AGBL1: variants seen among roughly 807,000 people sequenced by gnomAD.
AGBL1 encodes the protein AGBL carboxypeptidase 1, also known as cytosolic carboxypeptidase 4.
Under a neutral mutation model 118.9 loss-of-function variants are expected in AGBL1, and 130 were observed. The observed-to-expected ratio is 1.09, with a 90% CI of 0.95 to 1.26. The LOEUF (loss-of-function observed/expected upper bound fraction) is 1.26. Among genes scored for constraint, AGBL1 ranks in the 50% most tolerant of loss-of-function variants. AGBL1 has a pLI of 0.00. For synonymous variants in AGBL1, 555 were observed against 478.9 expected, an observed-to-expected ratio of 1.16 and a Z score of -2.08; for missense variants, 1,584 against 1,298.1, an observed-to-expected ratio of 1.22 and a Z score of -3.38.
At chr15:86,095,078 G>C (rs1896271384) in intron 1 of AGBL1, among the ~76,000 whole-genome samples, 2 of 149,322 alleles carry the variant, frequency 1.3e-5, no homozygotes, top group South Asian at 4.1e-4. Flanking sequence ...GTTTATGATA[G>C]AGGATAAAAA....
chr15:86,426,787 G>C (rs1257338277), intron 18 of AGBL1, among the ~76,000 whole-genome samples: 1 of 152,146 alleles, frequency 6.6e-6, no homozygotes, highest in Non-Finnish European at 1.5e-5. Flanking sequence ...TTTATTAAGA[G>C]ATGGAGTCTC....
Position 86,618,497 on chromosome 15 carries a change from C to T in AGBL1, c.2995-55776C>T, listed in dbSNP as rs367695608. Reference sequence around the variant, plus strand: ...TATTAAAAATATAGATCTCTGGGCTCTAGCTCCAGACCTACTGAATGAGAA... The same window carrying T: ...TATTAAAAATATAGATCTCTGGGCTTTAGCTCCAGACCTACTGAATGAGAA... On this transcript the variant is annotated intron_variant, in intron 21 of 22. Transcript: ENST00000614907. Among the ~76,000 whole-genome samples the T allele has an allele frequency of 1.0e-3, 153 of 152,306 alleles. 1 individual carries two copies. The South Asian group carries it at 0.029, about 29-fold the overall frequency.
chr15:86,839,202 C>T (rs1191679035), intron 22 of AGBL1, among the ~76,000 whole-genome samples: 2 of 152,084 alleles, frequency 1.3e-5, no homozygotes, highest in Admixed American at 6.6e-5. Context: ...CATCAAAAGA[C>T]AAGAAAACCA....
At chr15:86,765,228 C>G (rs1175900835) in intron 22 of AGBL1, among the ~76,000 whole-genome samples, 1 of 151,986 alleles carries the variant, frequency 6.6e-6, no homozygotes. Flanking sequence ...TGTTCAGTTT[C>G]TTTGCCTTCT....
intron 5 of AGBL1, among the ~76,000 whole-genome samples, chr15:86,221,449 G>A (rs2078279365): frequency 6.6e-6 from 1 of 152,204 alleles, no homozygotes; most frequent in Non-Finnish European, 1.5e-5. Flanking sequence ...TTAGCAGTTG[G>A]TTGACAGAGT....
chr15:86,648,253 G>A (rs1218309990), intron 21 of AGBL1, among the ~76,000 whole-genome samples: 3 of 152,284 alleles, frequency 2.0e-5, no homozygotes, highest in Non-Finnish European at 2.9e-5. Flanking sequence ...GATGAGGTAG[G>A]AGGCTATTGC....
At chr15:86,247,546 A>G (rs1441365929) in intron 6 of AGBL1, 125 bp from the exon 7 acceptor site, 1 of 1,077,412 alleles carries the variant, frequency 9.3e-7, no homozygotes, top group African/African-American at 1.6e-5. Context: ...GCCAGTTTTC[A>G]TACTAAAATG....
At position 86,447,690 on chromosome 15, in the gene AGBL1, A is replaced by G. The variant is rs571436780; in HGVS notation, c.2555+50144A>G. 1.5e-3 allele frequency among the ~76,000 whole-genome samples: 221 copies of G among 152,358 alleles called. 5 individuals are homozygous for G. In the South Asian group the frequency reaches 0.044, roughly 30 times the overall value. ...CCAAAATAAGCATGAACCAGACACT[A>G]GATTCTAATAATACTTACTGAGTAT... On this transcript the variant is annotated intron_variant, in intron 18 of 22. Transcript: ENST00000614907.
At chr15:86,162,247 A>G (rs748170329) in intron 5 of AGBL1, among the ~76,000 whole-genome samples, 5 of 152,186 alleles carry the variant, frequency 3.3e-5, no homozygotes, top group Non-Finnish European at 5.9e-5. Flanking sequence ...ACTAAGTATC[A>G]TCCTCCAAAT....
chr15:86,500,207 T>C (rs1027104184), intron 18 of AGBL1, among the ~76,000 whole-genome samples: 34 of 151,982 alleles, frequency 2.2e-4, no homozygotes, highest in Non-Finnish European at 2.7e-4. Flanking sequence ...GAGTCATTCC[T>C]GGAAATTCCT....
intron 11 of AGBL1, 25 bp downstream of exon 11, chr15:86,264,863 C>A: frequency 2.0e-6 from 3 of 1,524,790 alleles, no homozygotes; most frequent in Admixed American, 2.2e-5. Context: ...GACTTGGGAG[C>A]TCTTTTTTTC....
chr15:86,782,250 A>G (rs1314775810), intron 22 of AGBL1, among the ~76,000 whole-genome samples: 2 of 152,084 alleles, frequency 1.3e-5, no homozygotes, highest in African/African-American at 4.8e-5. Flanking sequence ...TTTAAGGATT[A>G]TTTGACAATA....
At chr15:86,861,454 T>C (rs919928155) in intron 22 of AGBL1, among the ~76,000 whole-genome samples, 4 of 152,226 alleles carry the variant, frequency 2.6e-5, no homozygotes, top group East Asian at 1.9e-4. Context: ...TCTATTAATA[T>C]GTTCAATGAA....
At chr15:86,195,901 G>C (rs1227792775) in intron 5 of AGBL1, among the ~76,000 whole-genome samples, 1 of 152,058 alleles carries the variant, frequency 6.6e-6, no homozygotes, top group Non-Finnish European at 1.5e-5. Context: ...TCCAAGCTCT[G>C]CCGTGGGGGC....
At chr15:86,629,940 G>C (rs571300839) in intron 21 of AGBL1, among the ~76,000 whole-genome samples, 5 of 152,310 alleles carry the variant, frequency 3.3e-5, no homozygotes, top group Non-Finnish European at 5.9e-5. Context: ...GAACTAATTA[G>C]CATTACATTA....
intron 5 of AGBL1, among the ~76,000 whole-genome samples, chr15:86,199,401 G>T (rs1445625410): frequency 6.6e-6 from 1 of 152,190 alleles, no homozygotes; most frequent in African/African-American, 2.4e-5. Context: ...CTTAAAAGAA[G>T]ATGTAACTTC....
At chr15:86,729,041 T>C (rs889248763) in intron 22 of AGBL1, among the ~76,000 whole-genome samples, 2 of 152,224 alleles carry the variant, frequency 1.3e-5, no homozygotes, top group African/African-American at 4.8e-5. Flanking sequence ...CTACAGTTTT[T>C]AGTGTTTATG....
chr15:86,611,932 G>A lies in AGBL1; in HGVS notation c.2994+57395G>A, dbSNP rs548709626. On this transcript the variant is annotated intron_variant, in intron 21 of 22. Coordinates refer to ENST00000614907, the MANE Select transcript of AGBL1 (RefSeq NM_001386094.1). ...CAAGTGGCTGGTATTTAAAATGGGG[G>A]CAGGCTGTGAGTGTTCTGCTCAGTA... Among the ~76,000 whole-genome samples, 51 of 152,292 alleles carry A rather than the reference G, an allele frequency of 3.3e-4. 2 individuals carry two copies. In the South Asian group the frequency reaches 0.01, roughly 31 times the overall value.
At chr15:86,464,707 CTTG>C (rs1436224953) in intron 18 of AGBL1, among the ~76,000 whole-genome samples, 1 of 151,878 alleles carries the variant, frequency 6.6e-6, no homozygotes, top group African/African-American at 2.4e-5. Flanking sequence ...TCATGTGGTT[CTTG>C]TTGTTGGTTT....
Sources: gnomAD v4.1 joint callset for allele counts (sites outside exome capture counted in the v4.1 genomes callset) on GRCh38, gnomAD v4.1.1 for gene constraint, MANE v1.5 for transcripts, NCBI Gene and HGNC (gene_info 2026-07-23, HGNC 2026-07-21) for gene names.